The following ARMC9 variants were observed in gnomAD, a reference collection of about 807,000 sequenced individuals.
ARMC9 encodes the protein armadillo repeat containing 9.
A neutral mutation model predicts 107.0 loss-of-function variants in ARMC9; 94 were observed. The ratio of observed to expected loss-of-function variants is 0.88; its 90% CI spans 0.74 to 1.04. The LOEUF (loss-of-function observed/expected upper bound fraction) is 1.04. Among genes scored for constraint, ARMC9 ranks in the 50% least tolerant of loss-of-function variants. The probability of loss-of-function intolerance (pLI) is 0.00; values close to 1 mark genes in which losing one functional copy is unlikely to be tolerated. For missense variants in ARMC9, 942 were observed against 1,030.1 expected (o/e 0.91, Z 1.17); for synonymous variants, 380 against 396.9 (o/e 0.96, Z 0.51).
chr2:231,369,979 A>C lies in ARMC9; in HGVS notation c.2288A>C (p.Lys763Thr). ...GAATGTGCATCAGCCTTCACCTGCAAGCCCCGGGCCCCCTGCACTCCAGAG... is the reference window on the plus strand; with the variant it reads ...GAATGTGCATCAGCCTTCACCTGCACGCCCCGGGCCCCCTGCACTCCAGAG... ...TRECASAFTC[K>T]PRAPCTPEML... Residue 763 changes from lysine (K) to threonine (T), a missense_variant, in exon 24 of 25, where the codon AAG becomes ACG. Physicochemically the swap from Lys to Thr is moderately conservative, Grantham distance 78. Transcript: ENST00000611582. The C allele has an allele frequency of 6.5e-7, 1 of 1,526,794 alleles. No homozygotes were observed. Among genetic ancestry groups the C allele is most frequent in the Non-Finnish European group, 8.8e-7 (1 of 1,141,058 alleles). 94.6% of individuals were successfully genotyped at this position (1,526,794 alleles called of 1,614,324 possible).
intron 7 of ARMC9, among the ~76,000 whole-genome samples, chr2:231,234,543 CAG>C (rs893542628): frequency 1.8e-4 from 27 of 152,266 alleles, no homozygotes; most frequent in African/African-American, 6.5e-4. Flanking sequence ...AATACAAAAA[CAG>C]AGAAAAAGAC....
intron 20 of ARMC9, among the ~76,000 whole-genome samples, chr2:231,337,261 C>T (rs77910002): frequency 0.06 from 7,191 of 119,004 alleles, 326 homozygotes; most frequent in African/African-American, 0.12. Context: ...AATGTCTATA[C>T]GTGTGTGTGT....
intron 9 of ARMC9, among the ~76,000 whole-genome samples, chr2:231,242,185 A>G (rs2036362670): frequency 6.6e-6 from 1 of 151,804 alleles, no homozygotes; most frequent in South Asian, 2.1e-4. Flanking sequence ...TGGTCAGACA[A>G]CTGCTTCACA....
chr2:231,221,123 T>G (rs1389610538), intron 5 of ARMC9, among the ~76,000 whole-genome samples: 3 of 152,128 alleles, frequency 2.0e-5, no homozygotes, highest in Non-Finnish European at 4.4e-5. Context: ...GAAATCAAGG[T>G]GTTGGCAGGG....
chr2:231,240,331 TCTC>T (rs2036181186), intron 9 of ARMC9, among the ~76,000 whole-genome samples: 1 of 152,186 alleles, frequency 6.6e-6, no homozygotes, highest in South Asian at 2.1e-4. Flanking sequence ...GAAACTTTAT[TCTC>T]CTTTTTTAAA....
chr2:231,254,867 C>T (rs1397509049), intron 9 of ARMC9, among the ~76,000 whole-genome samples: 1 of 152,122 alleles, frequency 6.6e-6, no homozygotes, highest in African/African-American at 2.4e-5. Context: ...TCCCTGCCCC[C>T]ACCCTGGAGT....
At chr2:231,327,118 A>G (rs1383212771) in intron 19 of ARMC9, among the ~76,000 whole-genome samples, 9 of 152,168 alleles carry the variant, frequency 5.9e-5, no homozygotes, top group Non-Finnish European at 8.8e-5. Context: ...TAACCTGCAA[A>G]GGACAGTCTA....
chr2:231,245,697 A>T (rs955957598), intron 9 of ARMC9, among the ~76,000 whole-genome samples: 18 of 152,172 alleles, frequency 1.2e-4, no homozygotes, highest in Non-Finnish European at 1.5e-5. Context: ...TAGAGTTCTA[A>T]TTTGAGAACG....
intron 14 of ARMC9, among the ~76,000 whole-genome samples, chr2:231,274,702 C>T (rs1409604612): frequency 6.6e-6 from 1 of 152,142 alleles, no homozygotes; most frequent in Non-Finnish European, 1.5e-5. Flanking sequence ...AACACACTTT[C>T]TTCCCATCAA....
At position 231,286,898 on chromosome 2, in the gene ARMC9, C is replaced by CT. The variant is rs764509070; in HGVS notation, c.1627-4452dup. Among the ~76,000 whole-genome samples the CT allele has an allele frequency of 2.0e-4, 30 of 152,276 alleles. 1 individual carries two copies. The highest frequency in any genetic ancestry group is 3.5e-4 in the Non-Finnish European group (24 of 68,020). On this transcript the variant is annotated intron_variant, in intron 17 of 24. Coordinates refer to ENST00000611582, the MANE Select transcript of ARMC9 (RefSeq NM_001352754.2). ...ATGAATCCCCTGAGGCCCATTTGAA[C>CT]TTTAAGAGCCTGCCAAGGCCTGGGG...
chr2:231,354,773 G>T (rs905816242), intron 21 of ARMC9, among the ~76,000 whole-genome samples: 2 of 152,206 alleles, frequency 1.3e-5, no homozygotes, highest in Non-Finnish European at 2.9e-5. Flanking sequence ...CTGAGCCCTT[G>T]TTGGATTAGG....
chr2:231,276,783 C>G lies in ARMC9; in HGVS notation c.1474+8C>G. On this transcript the variant is annotated splice_region_variant and intron_variant, in intron 15 of 24. Coordinates refer to ENST00000611582, the MANE Select transcript of ARMC9 (RefSeq NM_001352754.2). ...TCTGCCTCCGCAGCACAGGTCTCAG[C>G]CCCGACCCTCATTCTAGTGCAAGAA... 1.2e-6 allele frequency: 2 copies of G among 1,613,634 alleles called. No homozygotes were observed. Among genetic ancestry groups the G allele is most frequent in the Non-Finnish European group, 8.5e-7 (1 of 1,179,802 alleles).
At chr2:231,262,597 TC>T (rs1363429335) in intron 12 of ARMC9, among the ~76,000 whole-genome samples, 199 bp downstream of exon 12, 1 of 152,196 alleles carries the variant, frequency 6.6e-6, no homozygotes, top group African/African-American at 2.4e-5. Context: ...ACTGCCTGAT[TC>T]ATCATCTCTG....
At chr2:231,236,458 A>G (rs1471304117) in intron 8 of ARMC9, among the ~76,000 whole-genome samples, 1 of 152,184 alleles carries the variant, frequency 6.6e-6, no homozygotes, top group African/African-American at 2.4e-5. Flanking sequence ...GGACATACAG[A>G]TTTTTTAAAA....
rs531253323 is a variant in ARMC9 at position 231,224,137 on chromosome 2, ATATAT to A, written c.597+1320_597+1324del. On this transcript the variant is annotated intron_variant, in intron 6 of 24. Coordinates refer to ENST00000611582, the MANE Select transcript of ARMC9 (RefSeq NM_001352754.2). ...GTAAATTATATTAGTTATATTAAAA[ATATAT>A]TAGTATACTCAAAACAGTACCTGAC... Among the ~76,000 whole-genome samples the A allele has an allele frequency of 2.1e-4, 32 of 152,328 alleles. No homozygotes were observed. In the East Asian group the frequency reaches 6.2e-3, roughly 29 times the overall value.
chr2:231,240,386 A>G (rs1302364495), intron 9 of ARMC9, among the ~76,000 whole-genome samples: 2 of 152,194 alleles, frequency 1.3e-5, no homozygotes, highest in East Asian at 1.9e-4. Context: ...AAGCAGGGAC[A>G]CTTTTTTTCC....
chr2:231,277,562 C>CTT (rs5839396), intron 15 of ARMC9, among the ~76,000 whole-genome samples: 19 of 135,922 alleles, frequency 1.4e-4, no homozygotes, highest in Non-Finnish European at 1.6e-4. Context: ...AAGTCCTAGC[C>CTT]TTTTTTTTTT....
Position 231,372,693 on chromosome 2 carries a change from T to C in ARMC9, c.*1158T>C, listed in dbSNP as rs957800681. On this transcript the variant is annotated 3_prime_UTR_variant, in exon 25 of 25. Transcript: ENST00000611582. Reference sequence around the variant, plus strand: ...TAAAATCAAATAAAACCCATCAGTATTTAGTGGTGTGTGTGTGTGTGTGTG... The same window carrying C: ...TAAAATCAAATAAAACCCATCAGTACTTAGTGGTGTGTGTGTGTGTGTGTG... The C allele has an allele frequency of 6.7e-6, 1 of 149,340 alleles. No homozygotes were observed. Among genetic ancestry groups the C allele is most frequent in the Non-Finnish European group, 1.5e-5 (1 of 68,480 alleles). The allele number at this position is 149,340 out of a possible 1,614,324, so 9.3% of individuals were successfully genotyped here. A position where few individuals can be genotyped will look rare whatever the true frequency, so the allele number is the denominator to read the frequency against.
intron 13 of ARMC9, among the ~76,000 whole-genome samples, chr2:231,271,459 A>C (rs1040072366): frequency 1.3e-5 from 2 of 152,220 alleles, no homozygotes; most frequent in East Asian, 3.8e-4. Context: ...AGCAGACTCC[A>C]ATAAACACTG....
Sources: gnomAD v4.1 joint callset for allele counts (sites outside exome capture counted in the v4.1 genomes callset) on GRCh38, gnomAD v4.1.1 for gene constraint, MANE v1.5 for transcripts, NCBI Gene and HGNC (gene_info 2026-07-23, HGNC 2026-07-21) for gene names.